Variants in MAN2B1 observed in about 807,000 individuals in gnomAD.
The protein encoded by MAN2B1 is lysosomal alpha-mannosidase.
MAN2B1 carries 99 observed loss-of-function variants against 127.5 expected under a neutral mutation model. The observed-to-expected ratio is 0.78, with a 90% CI of 0.66 to 0.92. The LOEUF (loss-of-function observed/expected upper bound fraction) is 0.92. MAN2B1 is among the 40% of genes least tolerant of loss of function. The pLI is 0.00. For missense variants in MAN2B1, 1,304 were observed against 1,384.8 expected, an observed-to-expected ratio of 0.94 and a Z score of 0.93; for synonymous variants, 573 against 568.8, an observed-to-expected ratio of 1.01 and a Z score of -0.11.
rs144136329 is a variant in MAN2B1 at position 12,661,628 on chromosome 19, A to G, written c.910-252T>C. On this transcript the variant is annotated intron_variant, in intron 6 of 23. Coordinates refer to ENST00000456935, the MANE Select transcript of MAN2B1 (RefSeq NM_000528.4). ...TGCCCAGCCTATGCTATCTCTTCTA[A>G]TGAGGAATGCACATAAATCCAGGAG... Among the ~76,000 whole-genome samples, 59 of 152,238 alleles carry G rather than the reference A, an allele frequency of 3.9e-4. No homozygotes were observed. The East Asian group carries it at 0.011, about 29-fold the overall frequency.
intron 13 of MAN2B1, 171 bp from the exon 14 acceptor site, chr19:12,656,050 AC>A: frequency 1.7e-6 from 1 of 583,634 alleles, no homozygotes; most frequent in Non-Finnish European, 3.0e-6. Flanking sequence ...GAGAAGATTC[AC>A]CAGGTGGAAA....
Position 12,663,718 on chromosome 19 carries a change from C to A in MAN2B1, c.748G>T (p.Ala250Ser), listed in dbSNP as rs3745650. The A allele has an allele frequency of 7.5e-4, 1,201 of 1,612,080 alleles. 22 individuals carry two copies. In the East Asian group the frequency reaches 0.026, roughly 35 times the overall value. The change falls in exon 5 of 24, where the codon GCG (alanine) becomes TCG (serine). Residue 250 changes from alanine (A) to serine (S), a missense_variant. By Grantham distance (99) the Ala-to-Ser change is moderately conservative (BLOSUM62 1). Transcript: ENST00000456935. ...RASTSLKPPT[A>S]DLFTGVLPNG... is the part of the protein sequence containing the mutation. ...AGCCCCCTACCAGTGAAGAGGTCCGCGGTCGGGGGCTTCAGGCTGGTGCTG... is the reference window on the plus strand; with the variant it reads ...AGCCCCCTACCAGTGAAGAGGTCCGAGGTCGGGGGCTTCAGGCTGGTGCTG...
chr19:12,647,602 C>T lies in MAN2B1; in HGVS notation c.2665-4G>A, dbSNP rs1461826298. 4 of 1,518,532 alleles carry T rather than the reference C, an allele frequency of 2.6e-6. No individual in the cohort carries two copies. The South Asian group carries it at 3.3e-5, about 13-fold the overall frequency. The allele number at this position is 1,518,532 out of a possible 1,614,324, so 94.1% of individuals were successfully genotyped here. On this transcript the variant is annotated splice_polypyrimidine_tract_variant and splice_region_variant and intron_variant, in intron 21 of 23. Transcript: ENST00000456935. The surrounding 1 kb of genome is among the most constrained non-coding windows in gnomAD (Gnocchi z 4.9). ...GGTCCCTGCGCAGCCCTGAGAACTGCGGGAGAGAGGGCGGGGCTGAGTTGG... is the reference window on the plus strand; with the variant it reads ...GGTCCCTGCGCAGCCCTGAGAACTGTGGGAGAGAGGGCGGGGCTGAGTTGG...
rs1568297488 is a variant in MAN2B1, at chr19:12,647,767, G to C, written c.2665-169C>G. The C allele has an allele frequency of 1.6e-6, 1 of 626,674 alleles. No individual in the cohort carries two copies. The highest frequency in any genetic ancestry group is 2.8e-6 in the Non-Finnish European group (1 of 360,212). 38.8% of individuals were successfully genotyped at this position (626,674 alleles called of 1,614,324 possible). ...CCAGGGCCGTGACAGGGAGGACTGA[G>C]CCAATGGGGAGATGGGTCGGTCCCA... On this transcript the variant is annotated intron_variant, in intron 21 of 23. Coordinates refer to ENST00000456935, the MANE Select transcript of MAN2B1 (RefSeq NM_000528.4). The surrounding 1 kb of genome is among the most constrained non-coding windows in gnomAD (Gnocchi z 4.9).
Position 12,648,378 on chromosome 19 carries a change from C to T in MAN2B1, c.2461G>A (p.Asp821Asn). Residue 821 changes from aspartate to asparagine, a missense_variant, in exon 21 of 24, where the codon GAT (aspartate) becomes AAT (asparagine). Physicochemically the swap from Asp to Asn is conservative, Grantham distance 23 (BLOSUM62 1). Transcript: ENST00000456935. ...LMVHRRLLKD[D>N]GRGVSEPLME... ...AGTGGCTCCGATACTCCGCGTCCAT[C>T]GTCCTTCAGCAGCCTTCGGTGCACC... is the stretch of plus-strand genomic sequence containing the variant. 6.2e-7 allele frequency: 1 copy of T among 1,613,012 alleles called. No homozygotes were observed. The highest frequency in any genetic ancestry group is 8.5e-7 in the Non-Finnish European group (1 of 1,179,406).
At chr19:12,665,672 T>G in intron 2 of MAN2B1, 31 bp downstream of exon 2, 1 of 1,595,250 alleles carries the variant, frequency 6.3e-7, no homozygotes, top group Non-Finnish European at 8.6e-7. Context: ...ACCATGGGGA[T>G]CCCAGGGACC....
At chr19:12,653,100 C>G (rs901594347) in intron 14 of MAN2B1, among the ~76,000 whole-genome samples, 7 of 150,078 alleles carry the variant, frequency 4.7e-5, no homozygotes, top group African/African-American at 1.7e-4. Flanking sequence ...TCCCAAAGGG[C>G]TGGGATTACA....
intron 13 of MAN2B1, chr19:12,656,124 A>T: frequency 2.3e-6 from 1 of 442,584 alleles, no homozygotes; most frequent in South Asian, 3.2e-5. Flanking sequence ...GAAGTAGGGG[A>T]AGAAACCCTT....
chr19:12,650,275 T>G (rs1207125811), intron 16 of MAN2B1, 53 bp from the exon 17 acceptor site: 1 of 1,173,336 alleles, frequency 8.5e-7, no homozygotes, highest in Non-Finnish European at 1.3e-6. Flanking sequence ...CAGAGGTGAG[T>G]CCTACAAATG....
chr19:12,657,671 G>T (rs1218564711), intron 10 of MAN2B1, 116 bp from the exon 11 acceptor site: 1 of 936,236 alleles, frequency 1.1e-6, no homozygotes, highest in African/African-American at 1.6e-5. Flanking sequence ...GAAGGAACTC[G>T]AGGACGGCTG....
chr19:12,655,742 C>T lies in MAN2B1; in HGVS notation c.1782G>A (p.Gln594=), dbSNP rs573996230. ...PRWKPQARAP[Q]PIPRRSWSPA... ...GGGACCAGGATCTTCTGGGGATGGG[C>T]TGTGGTGCGCGGGCCTGGGGCTTCC... Residue 594 remains glutamine, a synonymous_variant, in exon 14 of 24, where the codon CAG becomes CAA. Transcript: ENST00000456935. 17 of 1,609,004 alleles carry T rather than the reference C, an allele frequency of 1.1e-5. No homozygotes were observed. The Admixed American group carries it at 2.8e-4, about 27-fold the overall frequency.
At position 12,658,094 on chromosome 19, in the gene MAN2B1, T is replaced by A. The variant is rs950266158; in HGVS notation, c.1278A>T (p.Gly426=). The change falls in exon 10 of 24, where the codon GGA becomes GGT. Residue 426 remains glycine (G), a synonymous_variant. Coordinates refer to ENST00000456935, the MANE Select transcript of MAN2B1 (RefSeq NM_000528.4). ...EALVGLAANV[G]PYGSGDSAPL... is the part of the protein sequence containing the mutation. The stretch of plus-strand genomic sequence containing the variant: ...GTGCACTGTCTCCGGAGCCATAGGG[T>A]CCCACGTTGGCCGCCAGGCCCACCA... The A allele has an allele frequency of 3.1e-6, 5 of 1,612,144 alleles. No individual in the cohort carries two copies. Among genetic ancestry groups the A allele is most frequent in the East Asian group, 2.2e-5 (1 of 44,798 alleles).
rs1219899115 is a variant in MAN2B1, at chr19:12,648,262, C to T, written c.2577G>A (p.Leu859=). 4 of 1,605,862 alleles carry T rather than the reference C, an allele frequency of 2.5e-6. No individual in the cohort carries two copies. Among genetic ancestry groups the T allele is most frequent in the African/African-American group, 2.7e-5 (2 of 74,706 alleles). ...GAGGGGCCAGGACCTCCTGCTCCGCCAGGAGCCGGTGTCCGGCGGCTGCAG... is the reference window on the plus strand; with the variant it reads ...GAGGGGCCAGGACCTCCTGCTCCGCTAGGAGCCGGTGTCCGGCGGCTGCAG... ...AQAAAAGHRL[L]AEQEVLAPQV... Residue 859 remains leucine, a synonymous_variant, in exon 21 of 24, where the codon CTG becomes CTA. Transcript: ENST00000456935.
chr19:12,665,891 G>T, intron 1 of MAN2B1, 86 bp from the exon 2 acceptor site: 1 of 1,031,564 alleles, frequency 9.7e-7, no homozygotes, highest in South Asian at 1.3e-5. Context: ...AGAGGTGAGT[G>T]ACTCAGAGAG....
rs35296973 is a variant in MAN2B1 at position 12,657,954 on chromosome 19, C to CAA, written c.1309+107_1309+108dup. ...TGGGAGACAAATCGAGACTCCGTCT[C>CAA]AAAAAAAAAAAAAAAAAAAAAAAAA... On this transcript the variant is annotated intron_variant, in intron 10 of 23. Coordinates refer to ENST00000456935, the MANE Select transcript of MAN2B1 (RefSeq NM_000528.4). The CAA allele has an allele frequency of 7.1e-3, 3,450 of 483,586 alleles. 2 individuals carry two copies. Among genetic ancestry groups the CAA allele is most frequent in the East Asian group, 0.024 (474 of 19,608 alleles). 30.0% of individuals were successfully genotyped at this position (483,586 alleles called of 1,614,324 possible). A position where few individuals can be genotyped will look rare whatever the true frequency, so the allele number is the denominator to read the frequency against.
intron 16 of MAN2B1, 147 bp downstream of exon 16, chr19:12,652,006 T>C (rs2145238532): frequency 1.4e-6 from 1 of 727,792 alleles, no homozygotes. Flanking sequence ...CTCAAATATT[T>C]CCCCCGCTGA....
intron 23 of MAN2B1, 171 bp from the exon 24 acceptor site, chr19:12,646,903 G>A (rs2023701643): frequency 3.2e-6 from 2 of 630,840 alleles, no homozygotes; most frequent in African/African-American, 1.8e-5. Flanking sequence ...CCACCCCCAG[G>A]TCCAATGTCC....
chr19:12,659,729 G>C (rs1206181241), intron 7 of MAN2B1, among the ~76,000 whole-genome samples: 1 of 152,228 alleles, frequency 6.6e-6, no homozygotes, highest in Non-Finnish European at 1.5e-5. Flanking sequence ...TGAGGCAGGA[G>C]AATCACTAGA....
At position 12,649,990 on chromosome 19, in the gene MAN2B1, G is replaced by A. The variant is rs376804252; in HGVS notation, c.2190C>T (p.Ile730=). The change falls in exon 18 of 24, where the codon ATC becomes ATT. Residue 730 remains isoleucine, a synonymous_variant. Transcript: ENST00000456935. ...TCTCCAGCGGTGTGTCAAAACGGCT[G>A]ATGACCTCCTTCCCCCAGGTGTCGC... ...PVGDTWGKEV[I]SRFDTPLETK... 2 of 1,613,918 alleles carry A rather than the reference G, an allele frequency of 1.2e-6. No homozygotes were observed. The highest frequency in any genetic ancestry group is 2.7e-5 in the African/African-American group (2 of 74,874).
Sources: gnomAD v4.1 joint callset for allele counts (sites outside exome capture counted in the v4.1 genomes callset) on GRCh38, gnomAD v4.1.1 for gene constraint, Gnocchi (gnomAD v3.1) non-coding constraint, MANE v1.5 for transcripts, NCBI Gene and HGNC (gene_info 2026-07-23, HGNC 2026-07-21) for gene names.